PIK3C2G: variants seen among roughly 807,000 people sequenced by gnomAD.
PIK3C2G encodes the protein phosphatidylinositol-4-phosphate 3-kinase catalytic subunit type 2 gamma.
In PIK3C2G, 168 loss-of-function variants were observed where a neutral mutation model predicts 181.1. The ratio of observed to expected loss-of-function variants is 0.93; its 90% CI spans 0.82 to 1.05. PIK3C2G has a LOEUF of 1.05. Among genes scored for constraint, PIK3C2G ranks in the 50% least tolerant of loss-of-function variants. The probability of loss-of-function intolerance (pLI) is 0.00; values close to 1 mark genes in which losing one functional copy is unlikely to be tolerated. For synonymous variants in PIK3C2G, 573 were observed against 592.2 expected (o/e 0.97, Z 0.47); for missense variants, 1,869 against 1,732.8 (o/e 1.08, Z -1.40).
intron 5 of PIK3C2G, among the ~76,000 whole-genome samples, chr12:18,310,145 A>G (rs1950579737): frequency 6.6e-6 from 1 of 151,920 alleles, no homozygotes; most frequent in African/African-American, 2.4e-5. Flanking sequence ...AAAAATAATT[A>G]TAAAAATCTA....
At chr12:18,550,680 T>C (rs77107706) in intron 26 of PIK3C2G, among the ~76,000 whole-genome samples, 6,829 of 152,142 alleles carry the variant, frequency 0.045, 340 homozygotes, top group African/African-American at 0.13. Context: ...ATTTCTTTGT[T>C]CTGATAGGCT....
Position 18,290,922 on chromosome 12 carries a change from G to C in PIK3C2G, c.829G>C (p.Ala277Pro), listed in dbSNP as rs768650671. 5 of 1,589,142 alleles carry C rather than the reference G, an allele frequency of 3.1e-6. No individual in the cohort carries two copies. In the South Asian group the frequency reaches 5.5e-5, roughly 18 times the overall value. Residue 277 changes from alanine to proline, a missense_variant, in exon 4 of 33, where the codon GCA becomes CCA. Ala to Pro is a conservative substitution (Grantham distance 27). Transcript: ENST00000538779. Reference protein sequence around the residue: ...NSGKIWSTTTAFPYQLFSKTK... With the variant: ...NSGKIWSTTTPFPYQLFSKTK... ...TGGGAAGATCTGGAGCACTACTACAGCATTTCCGTATCAGCTCTTTTCTAA... is the reference window on the plus strand; with the variant it reads ...TGGGAAGATCTGGAGCACTACTACACCATTTCCGTATCAGCTCTTTTCTAA...
chr12:18,328,967 G>T (rs1212851529), intron 8 of PIK3C2G, among the ~76,000 whole-genome samples: 1 of 151,820 alleles, frequency 6.6e-6, no homozygotes, highest in Non-Finnish European at 1.5e-5. Flanking sequence ...GGTTGCAAAA[G>T]AAGTCAAGGA....
intron 24 of PIK3C2G, among the ~76,000 whole-genome samples, chr12:18,535,005 A>C (rs2136230159): frequency 6.6e-6 from 1 of 152,202 alleles, no homozygotes. Flanking sequence ...ATATAATCAC[A>C]GTATAGACCA....
chr12:18,435,703 T>A (rs1017793484), intron 18 of PIK3C2G, among the ~76,000 whole-genome samples: 3 of 152,080 alleles, frequency 2.0e-5, no homozygotes, highest in African/African-American at 7.2e-5. Context: ...AAGTAGTTAC[T>A]CAAATTCTCA....
At chr12:18,329,532 C>T (rs1937695571) in intron 8 of PIK3C2G, among the ~76,000 whole-genome samples, 1 of 151,948 alleles carries the variant, frequency 6.6e-6, no homozygotes, top group Non-Finnish European at 1.5e-5. Context: ...AAACTATATG[C>T]ACTTTTTGAG....
At chr12:18,662,220 A>G in the PIK3C2G span, among the ~76,000 whole-genome samples, 20 of 152,140 alleles carry the variant, frequency 1.3e-4, no homozygotes, top group African/African-American at 1.7e-4. Flanking sequence ...CACTATGCTC[A>G]TCACCTGGCT....
chr12:18,296,089 A>G (rs1565567394), intron 5 of PIK3C2G, among the ~76,000 whole-genome samples: 1 of 152,172 alleles, frequency 6.6e-6, no homozygotes, highest in African/African-American at 2.4e-5. Context: ...CTTCAAAATA[A>G]TGGTCAAATA....
At chr12:18,595,952 T>C (rs1947338306) in intron 30 of PIK3C2G, among the ~76,000 whole-genome samples, 1 of 152,130 alleles carries the variant, frequency 6.6e-6, no homozygotes, top group Non-Finnish European at 1.5e-5. Context: ...ATTGCCATGA[T>C]AATTCTTGCT....
chr12:18,596,252 T>C (rs1202717076), intron 30 of PIK3C2G, among the ~76,000 whole-genome samples: 4 of 152,076 alleles, frequency 2.6e-5, no homozygotes, highest in Non-Finnish European at 5.9e-5. Context: ...GTAAATGTTC[T>C]GGCACAAGAA....
chr12:18,336,226 CTTAT>C (rs1027188489), intron 8 of PIK3C2G, among the ~76,000 whole-genome samples: 1 of 152,022 alleles, frequency 6.6e-6, no homozygotes, highest in African/African-American at 2.4e-5. Context: ...TTTACAGAAA[CTTAT>C]TTATTGTTCT....
rs372029978 is a variant in PIK3C2G, at chr12:18,399,814, A to G, written c.2282A>G (p.Gln761Arg). ...HTILRRWTFS[Q>R]PLEALGLLTS... ...ATTTTGAGAAGATGGACATTTTCTC[A>G]ACCTTTAGAGGCTCTTGGGCTTTTG... The change falls in exon 16 of 33, where the codon CAA becomes CGA. Residue 761 changes from glutamine (Q) to arginine (R), a missense_variant. Transcript: ENST00000538779. 3 of 1,603,012 alleles carry G rather than the reference A, an allele frequency of 1.9e-6. No individual in the cohort carries two copies. The highest frequency in any genetic ancestry group is 2.6e-6 in the Non-Finnish European group (3 of 1,172,034).
chr12:18,340,828 T>A (rs1373892527), intron 9 of PIK3C2G, among the ~76,000 whole-genome samples: 1 of 152,120 alleles, frequency 6.6e-6, no homozygotes, highest in Non-Finnish European at 1.5e-5. Context: ...TCATTGCTGT[T>A]AATGGAGGTA....
In PIK3C2G at chr12:18,391,103, A is replaced by T; in HGVS notation, c.1996-19A>T. The T allele has an allele frequency of 6.3e-7, 1 of 1,587,422 alleles. No homozygotes were observed. Among genetic ancestry groups the T allele is most frequent in the South Asian group, 1.2e-5 (1 of 85,704 alleles). ...TTGAGACACCTTCAACACATGGCAA[A>T]TCATTTTTTTTCTTTCAGATTGATT... On this transcript the variant is annotated intron_variant, in intron 14 of 32. Coordinates refer to ENST00000538779, the MANE Select transcript of PIK3C2G (RefSeq NM_001288772.2).
chr12:18,523,062 A>G (rs1269053587), intron 24 of PIK3C2G, among the ~76,000 whole-genome samples: 1 of 151,888 alleles, frequency 6.6e-6, no homozygotes, highest in Non-Finnish European at 1.5e-5. Flanking sequence ...CAGTTATTGT[A>G]TTCTTTATCT....
At position 18,390,202 on chromosome 12, in the gene PIK3C2G, A is replaced by C. The variant is rs11044060; in HGVS notation, c.1996-920A>C. ...AATGAAATTACTAAAACTTTTTCAA[A>C]TAAATAAGCGCTCAAATATATTAAA... On this transcript the variant is annotated intron_variant, in intron 14 of 32. Transcript: ENST00000538779. Among the ~76,000 whole-genome samples, 429 of 152,278 alleles carry C rather than the reference A, an allele frequency of 2.8e-3. 1 individual carries two copies. The highest frequency in any genetic ancestry group is 9.5e-3 in the African/African-American group (397 of 41,572).
At chr12:18,266,857 T>C (rs533570703) in intron 1 of PIK3C2G, among the ~76,000 whole-genome samples, 48 of 151,898 alleles carry the variant, frequency 3.2e-4, no homozygotes, top group Admixed American at 1.4e-3. Context: ...TTCTCTTCTT[T>C]TTCTTCATTT....
At chr12:18,353,202 C>T (rs771514241) in intron 11 of PIK3C2G, among the ~76,000 whole-genome samples, 9 of 152,060 alleles carry the variant, frequency 5.9e-5, no homozygotes, top group Non-Finnish European at 1.3e-4. Flanking sequence ...TTGGGGAAAA[C>T]GGCAGTCAGA....
intron 16 of PIK3C2G, among the ~76,000 whole-genome samples, chr12:18,414,368 A>T (rs78970834): frequency 0.021 from 3,242 of 152,214 alleles, 70 homozygotes; most frequent in South Asian, 0.028. Flanking sequence ...AAATTAAAGT[A>T]ATCTATGACA....
Sources: allele counts gnomAD v4.1 joint callset (sites outside exome capture counted in the v4.1 genomes callset), GRCh38; gene constraint gnomAD v4.1.1; transcripts MANE v1.5; gene names NCBI Gene and HGNC (gene_info 2026-07-23, HGNC 2026-07-21).